Variants in REV1 observed in about 807,000 individuals in gnomAD.
REV1 encodes REV1 DNA directed polymerase, also known as translesion synthesis protein REV1.
Under a neutral mutation model 137.4 loss-of-function variants are expected in REV1, and 42 were observed. That is an observed-to-expected ratio of 0.31 (90% CI 0.24 to 0.40). REV1 has a LOEUF of 0.40. Among genes scored for constraint, REV1 ranks in the 10% least tolerant of loss-of-function variants. The pLI is 1.00. For missense variants in REV1, 1,282 were observed against 1,490.1 expected (o/e 0.86, Z 2.30); for synonymous variants, 524 against 519.2 (o/e 1.01, Z -0.12).
At chr2:99,443,921 C>G (rs377461337) in intron 4 of REV1, among the ~76,000 whole-genome samples, 1 of 152,108 alleles carries the variant, frequency 6.6e-6, no homozygotes, top group Non-Finnish European at 1.5e-5. Context: ...CGGCTTCACG[C>G]CATTCTCCTG....
At chr2:99,427,660 TTGGA>T (rs966698091) in intron 9 of REV1, among the ~76,000 whole-genome samples, 16 of 152,310 alleles carry the variant, frequency 1.1e-4, no homozygotes, top group African/African-American at 3.8e-4. Flanking sequence ...ATATAACCTG[TTGGA>T]TGGCCACAAA....
In REV1 at chr2:99,466,121, T is replaced by C. The variant is rs115124320; in HGVS notation, c.-10-1136A>G. ...CACGCCCGATTATTATTTTTCTTTT[T>C]TTTGTATTTTTAGTAGAGACGGCGT... On this transcript the variant is annotated intron_variant, in intron 1 of 22. Transcript: ENST00000258428. Among the ~76,000 whole-genome samples the C allele has an allele frequency of 3.0e-3, 456 of 152,050 alleles. 3 individuals are homozygous for C. Among genetic ancestry groups the C allele is most frequent in the African/African-American group, 0.011 (443 of 41,474 alleles).
chr2:99,442,210 C>T, intron 5 of REV1, 107 bp downstream of exon 5: 2 of 1,031,026 alleles, frequency 1.9e-6, no homozygotes, highest in East Asian at 2.6e-5. Context: ...CGAGATCATA[C>T]CATTGCACTC....
At position 99,453,589 on chromosome 2, in the gene REV1, A is replaced by C. The variant is rs554618559; in HGVS notation, c.182-4085T>G. Among the ~76,000 whole-genome samples the C allele has an allele frequency of 2.3e-3, 347 of 152,100 alleles. 5 individuals are homozygous for C. Among genetic ancestry groups the C allele is most frequent in the African/African-American group, 8.1e-3 (338 of 41,502 alleles). ...GTCCTTGATGTACTAGCAAAGAATA[A>C]ACAGAAAATAAAAAATCAAAACAGG... On this transcript the variant is annotated intron_variant, in intron 3 of 22. Coordinates refer to ENST00000258428, the MANE Select transcript of REV1 (RefSeq NM_016316.4).
chr2:99,437,418 G>C (rs1409883908), intron 6 of REV1, among the ~76,000 whole-genome samples: 4 of 152,146 alleles, frequency 2.6e-5, no homozygotes, highest in Admixed American at 1.3e-4. Flanking sequence ...GAGTGGCAGA[G>C]TAAGGATTTA....
At chr2:99,425,805 G>A (rs1330409014) in intron 9 of REV1, among the ~76,000 whole-genome samples, 1 of 152,168 alleles carries the variant, frequency 6.6e-6, no homozygotes, top group Non-Finnish European at 1.5e-5. Context: ...GGGAGGCCGA[G>A]GCAGGCAGAT....
chr2:99,439,214 A>G lies in REV1; in HGVS notation c.600T>C (p.Phe200=). 1 of 1,614,182 alleles carries G rather than the reference A, an allele frequency of 6.2e-7. No individual in the cohort carries two copies. The highest frequency in any genetic ancestry group is 2.2e-5 in the East Asian group (1 of 44,888). Residue 200 remains phenylalanine (F), a synonymous_variant, in exon 6 of 23, where the codon TTT becomes TTC. Coordinates refer to ENST00000258428, the MANE Select transcript of REV1 (RefSeq NM_016316.4). The stretch of plus-strand genomic sequence containing the variant: ...CCGGAGAGGTCTGCTCCAGATCCAC[A>G]AAACTAAAATCATTATTTTCATCTT... ...NEEDENNDFS[F]VDLEQTSPGR...
chr2:99,423,209 A>G (rs1678911376), intron 10 of REV1, among the ~76,000 whole-genome samples: 2 of 152,198 alleles, frequency 1.3e-5, no homozygotes, highest in Admixed American at 1.3e-4. Context: ...TCCCTTCTGG[A>G]CTAGCAGCAT....
chr2:99,425,756 G>C (rs1679253657), intron 9 of REV1, among the ~76,000 whole-genome samples: 1 of 152,176 alleles, frequency 6.6e-6, no homozygotes, highest in Non-Finnish European at 1.5e-5. Context: ...TGTTTATAAG[G>C]CCGGGCACAG....
intron 22 of REV1, 139 bp downstream of exon 22, chr2:99,402,105 A>C: frequency 1.8e-6 from 1 of 546,570 alleles, no homozygotes; most frequent in Non-Finnish European, 3.3e-6. Flanking sequence ...TACTTAGTCA[A>C]CATGGCAAAA....
intron 1 of REV1, among the ~76,000 whole-genome samples, chr2:99,484,517 T>C (rs1175418520): frequency 1.3e-5 from 2 of 152,228 alleles, no homozygotes; most frequent in Admixed American, 6.5e-5. Context: ...ATGTATTATA[T>C]GCAAAACCTT....
chr2:99,425,559 A>G (rs969649929), intron 9 of REV1, among the ~76,000 whole-genome samples: 2 of 152,224 alleles, frequency 1.3e-5, no homozygotes, highest in African/African-American at 4.8e-5. Context: ...ACTAATGAAG[A>G]AAGTAGATAC....
chr2:99,421,710 C>T, intron 10 of REV1, 57 bp from the exon 11 acceptor site: 2 of 1,534,348 alleles, frequency 1.3e-6, no homozygotes, highest in Non-Finnish European at 1.8e-6. Flanking sequence ...CTGGTAGACC[C>T]AATGTTGCAA....
intron 3 of REV1, among the ~76,000 whole-genome samples, chr2:99,453,918 CAAAATAAAACA>C (rs147411517): frequency 0.22 from 27,445 of 125,822 alleles, 3,400 homozygotes; most frequent in Admixed American, 0.28. Flanking sequence ...AAAAAAAAAT[CAAAATAAAACA>C]AAACTAGATT....
chr2:99,408,401 GAA>G, intron 14 of REV1: 1 of 252,910 alleles, frequency 4.0e-6, no homozygotes, highest in Non-Finnish European at 7.4e-6. Flanking sequence ...AATAAGTTGA[GAA>G]ATTTAGAAAA....
chr2:99,406,093 A>G lies in REV1; in HGVS notation c.2628T>C (p.Ala876=), dbSNP rs1477812178. 3 of 1,612,552 alleles carry G rather than the reference A, an allele frequency of 1.9e-6. No homozygotes were observed. Among genetic ancestry groups the G allele is most frequent in the Non-Finnish European group, 2.5e-6 (3 of 1,179,396 alleles). ...AAGCAGATGATATTTCCAGATCCAC[A>G]GCAGCCCGAAATACTACAAAAAGAA... The part of the protein sequence containing the change: ...EEEHKEVFRA[A]VDLEISSASR... The change falls in exon 17 of 23, where the codon GCT becomes GCC. Residue 876 remains alanine, a synonymous_variant. Transcript: ENST00000258428.
At chr2:99,489,463 C>CCGGCGGGATG (rs1687457222) in intron 1 of REV1, among the ~76,000 whole-genome samples, 2 of 150,126 alleles carry the variant, frequency 1.3e-5, no homozygotes, top group Non-Finnish European at 3.0e-5. Flanking sequence ...TCTGACCGGG[C>CCGGCGGGATG]CGGCGGGATG....
chr2:99,427,025 A>G (rs1679473238), intron 9 of REV1, among the ~76,000 whole-genome samples: 1 of 152,150 alleles, frequency 6.6e-6, no homozygotes, highest in African/African-American at 2.4e-5. Flanking sequence ...TCTACTAAAA[A>G]TACAAAAATT....
intron 1 of REV1, among the ~76,000 whole-genome samples, chr2:99,486,330 C>G (rs1231393404): frequency 6.6e-6 from 1 of 152,000 alleles, no homozygotes; most frequent in African/African-American, 2.4e-5. Context: ...GAGACCGACA[C>G]CATCCTGGAT....
Sources: gnomAD v4.1 joint callset for allele counts (sites outside exome capture counted in the v4.1 genomes callset) on GRCh38, gnomAD v4.1.1 for gene constraint, MANE v1.5 for transcripts, NCBI Gene and HGNC (gene_info 2026-07-23, HGNC 2026-07-21) for gene names.